The following RBMX2 variants were observed in gnomAD, a reference collection of about 807,000 sequenced individuals.
RBMX2 encodes RNA-binding motif protein, X-linked 2.
For missense variants in RBMX2, 191 were observed against 256.0 expected, an observed-to-expected ratio of 0.75 and a Z score of 1.73; for synonymous variants, 77 against 94.3, an observed-to-expected ratio of 0.82 and a Z score of 1.07.
chrX:130,402,382 A>T lies in RBMX2; in HGVS notation c.121+12A>T. The T allele has an allele frequency of 8.3e-7, 1 of 1,204,863 alleles. No individual in the cohort carries two copies. The highest frequency in any genetic ancestry group is 1.1e-6 in the Non-Finnish European group (1 of 892,231). ...CTGGATCTTCCTGGGTGAGGTCCAC[A>T]TCTTTCTTCCTCAGTGCTCTCCAGA... is the stretch of plus-strand genomic sequence containing the variant. On this transcript the variant is annotated intron_variant, in intron 2 of 5. Coordinates refer to ENST00000305536, the MANE Select transcript of RBMX2 (RefSeq NM_016024.4).
chrX:130,402,224 T>TTGCCCCCCCCCCCCCC, intron 1 of RBMX2, 31 bp from the exon 2 acceptor site: 1 of 1,174,327 alleles, frequency 8.5e-7, no homozygotes, highest in Non-Finnish European at 1.1e-6. Flanking sequence ...CTTTTCTGCC[T>TTGCCCCCCCCCCCCCC]ACCCTCCCCA....
rs1047707150 is a variant in RBMX2 at position 130,412,690 on chromosome X, C to T, written c.811C>T (p.Arg271Trp). ...EEKTRIRDRG[R>W]SSDAHSSWYN... is the part of the protein sequence containing the mutation. The stretch of plus-strand genomic sequence containing the variant: ...AAAGACCAGGATTAGGGACAGAGGG[C>T]GGAGCTCAGATGCACATTCTAGCTG... The change falls in exon 6 of 6, where the codon CGG becomes TGG. Residue 271 changes from arginine (R) to tryptophan (W), a missense_variant. By Grantham distance (101) the Arg-to-Trp change is moderately radical. Transcript: ENST00000305536. 1.9e-5 allele frequency: 23 copies of T among 1,207,556 alleles called. No individual in the cohort carries two copies. Among genetic ancestry groups the T allele is most frequent in the African/African-American group, 3.5e-5 (2 of 56,393 alleles).
intron 4 of RBMX2, 86 bp downstream of exon 4, chrX:130,409,472 G>A: frequency 1.0e-6 from 1 of 989,897 alleles, no homozygotes; most frequent in South Asian, 2.6e-5. Flanking sequence ...CAGACACAAG[G>A]GCAGCACTTG....
Position 130,402,017 on chromosome X carries a change from G to A in RBMX2, c.-16G>A. 1 of 1,196,694 alleles carries A rather than the reference G, an allele frequency of 8.4e-7. No individual in the cohort carries two copies. Among genetic ancestry groups the A allele is most frequent in the Non-Finnish European group, 1.1e-6 (1 of 887,874 alleles). On this transcript the variant is annotated 5_prime_UTR_variant, in exon 1 of 6. Transcript: ENST00000305536. Reference sequence around the variant, plus strand: ...CCGGGCGCTGATTCCTGAGTGCTGAGCGCGAACCCGAGGAGATGAAGTAAG... The same window carrying A: ...CCGGGCGCTGATTCCTGAGTGCTGAACGCGAACCCGAGGAGATGAAGTAAG...
rs1438880817 is a variant in RBMX2, at chrX:130,413,280, A to G, written c.*432A>G. On this transcript the variant is annotated 3_prime_UTR_variant, in exon 6 of 6. Coordinates refer to ENST00000305536, the MANE Select transcript of RBMX2 (RefSeq NM_016024.4). ...TTAAAATCAGCCAGCTCCATGCCCA[A>G]ACCTTCCTGTTTGCAGAACTTTTTA... 1 of 112,765 alleles carries G rather than the reference A, an allele frequency of 8.9e-6. No individual in the cohort carries two copies. Among genetic ancestry groups the G allele is most frequent in the Non-Finnish European group, 1.9e-5 (1 of 53,681 alleles). The allele number at this position is 112,765 out of a possible 1,213,427, so 9.3% of individuals were successfully genotyped here. A position where few individuals can be genotyped will look rare whatever the true frequency, so the allele number is the denominator to read the frequency against.
In RBMX2 at chrX:130,412,802, C is replaced by T. The variant is rs752931267; in HGVS notation, c.923C>T (p.Ser308Phe). 4.1e-6 allele frequency: 5 copies of T among 1,210,838 alleles called. No homozygotes were observed. Among genetic ancestry groups the T allele is most frequent in the Non-Finnish European group, 5.6e-6 (5 of 895,391 alleles). Residue 308 changes from serine to phenylalanine, a missense_variant, in exon 6 of 6, where the codon TCC (serine) becomes TTC (phenylalanine). Ser to Phe is a radical substitution (Grantham distance 155). Coordinates refer to ENST00000305536, the MANE Select transcript of RBMX2 (RefSeq NM_016024.4). ...CATAGGCATAAAAGGGCCCGACGCT[C>T]CCGGGAGCGGGAGTCTTCGAATCCC... The part of the protein sequence containing the change: ...KSHRHKRARR[S>F]RERESSNPSD...
chrX:130,407,548 T>C (rs1378663713), intron 3 of RBMX2, among the ~76,000 whole-genome samples: 3 of 112,015 alleles, frequency 2.7e-5, no homozygotes, highest in African/African-American at 6.5e-5. Context: ...TTATGTAACA[T>C]ATCTATCAAT....
At position 130,402,090 on chromosome X, in the gene RBMX2, C is replaced by T; in HGVS notation, c.5+53C>T. On this transcript the variant is annotated intron_variant, in intron 1 of 5. Coordinates refer to ENST00000305536, the MANE Select transcript of RBMX2 (RefSeq NM_016024.4). ...GGAGCAGCGGGCCACTGGGGGTGGT[C>T]CACCGGGACTGGTGTGGTAGAGCGT... 3.4e-6 allele frequency: 4 copies of T among 1,186,467 alleles called. No homozygotes were observed. The South Asian group carries it at 5.6e-5, about 17-fold the overall frequency.
intron 5 of RBMX2, 39 bp from the exon 6 acceptor site, chrX:130,412,322 C>T (rs2034517496): frequency 4.7e-6 from 5 of 1,059,980 alleles, no homozygotes; most frequent in East Asian, 6.5e-5. Flanking sequence ...TTATTTTTTT[C>T]CCTTTTCTTA....
chrX:130,407,765 C>T (rs1451360447), intron 3 of RBMX2, among the ~76,000 whole-genome samples: 1 of 108,234 alleles, frequency 9.2e-6, no homozygotes, highest in Non-Finnish European at 1.9e-5. Flanking sequence ...TCAAGTGATC[C>T]GCCCCACGCA....
chrX:130,411,299 A>G, intron 4 of RBMX2, 49 bp from the exon 5 acceptor site: 1 of 1,061,023 alleles, frequency 9.4e-7, no homozygotes, highest in Non-Finnish European at 1.3e-6. Flanking sequence ...ATAGTTTGAC[A>G]GTTTGGTATG....
intron 1 of RBMX2, 21 bp from the exon 2 acceptor site, chrX:130,402,234 A>ACCCCCCCC: frequency 8.5e-6 from 5 of 591,216 alleles, no homozygotes; most frequent in Admixed American, 3.9e-5. Flanking sequence ...TACCCTCCCC[A>ACCCCCCCC]CCCCCCCCGC....
intron 3 of RBMX2, among the ~76,000 whole-genome samples, chrX:130,406,362 G>A: frequency 9.0e-6 from 1 of 110,883 alleles, no homozygotes; most frequent in African/African-American, 3.3e-5. Flanking sequence ...TTGTATTACA[G>A]GTTGAATATC....
At chrX:130,402,224 T>TGCCCCC in intron 1 of RBMX2, 31 bp from the exon 2 acceptor site, 2 of 1,174,331 alleles carry the variant, frequency 1.7e-6, no homozygotes, top group Non-Finnish European at 2.3e-6. Flanking sequence ...CTTTTCTGCC[T>TGCCCCC]ACCCTCCCCA....
chrX:130,412,510 G>C lies in RBMX2; in HGVS notation c.631G>C (p.Glu211Gln), dbSNP rs745821000. Residue 211 changes from glutamate (E) to glutamine (Q), a missense_variant, in exon 6 of 6, where the codon GAG becomes CAG. By Grantham distance (29) the Glu-to-Gln change is conservative. Transcript: ENST00000305536. ...TAAGAAGCACAGCAGCAAGAACTCA[G>C]AGAGAGCTCAGAAGTCAGAGCCCAG... ...GPKKHSSKNS[E>Q]RAQKSEPREG... is the part of the protein sequence containing the mutation. 1.7e-6 allele frequency: 2 copies of C among 1,210,387 alleles called. No individual in the cohort carries two copies. Among genetic ancestry groups the C allele is most frequent in the South Asian group, 3.5e-5 (2 of 56,865 alleles).
chrX:130,402,604 C>A lies in RBMX2; in HGVS notation c.121+234C>A, dbSNP rs181483076. Among the ~76,000 whole-genome samples the A allele has an allele frequency of 2.7e-5, 3 of 112,118 alleles. No individual in the cohort carries two copies. In the Admixed American group the frequency reaches 2.8e-4, roughly 11 times the overall value. ...GTTTGCCATTTGCTGTGCTAAGGTT[C>A]AGGGACTGTTGTTATTTCTCTCTCA... On this transcript the variant is annotated intron_variant, in intron 2 of 5. Transcript: ENST00000305536.
chrX:130,408,165 T>C, intron 3 of RBMX2, among the ~76,000 whole-genome samples: 1 of 109,396 alleles, frequency 9.1e-6, no homozygotes, highest in Non-Finnish European at 1.9e-5. Flanking sequence ...TTCTTGTTTG[T>C]TTGTTTGTTT....
In RBMX2 at chrX:130,412,914, G is replaced by A. The variant is rs2034522548; in HGVS notation, c.*66G>A. 9.4e-7 allele frequency: 1 copy of A among 1,067,730 alleles called. No individual in the cohort carries two copies. Among genetic ancestry groups the A allele is most frequent in the Non-Finnish European group, 1.2e-6 (1 of 805,983 alleles). 88.0% of individuals were successfully genotyped at this position (1,067,730 alleles called of 1,213,427 possible). A position where few individuals can be genotyped will look rare whatever the true frequency, so the allele number is the denominator to read the frequency against. On this transcript the variant is annotated 3_prime_UTR_variant, in exon 6 of 6. Coordinates refer to ENST00000305536, the MANE Select transcript of RBMX2 (RefSeq NM_016024.4). ...TTTAAATGCAGTCAAATTCAGTTGG[G>A]TGGTTACTATTTTTGTATCTAAAAC...
In RBMX2 at chrX:130,402,286, C is replaced by G; in HGVS notation, c.37C>G (p.Leu13Val). The part of the protein sequence containing the change: ...PLTKVKLINE[L>V]NEREVQLGVA... Reference sequence around the variant, plus strand: ...AACTAAGGTGAAGCTGATCAACGAGCTGAATGAACGAGAGGTCCAGCTTGG... The same window carrying G: ...AACTAAGGTGAAGCTGATCAACGAGGTGAATGAACGAGAGGTCCAGCTTGG... Residue 13 changes from leucine (L) to valine (V), a missense_variant, in exon 2 of 6, where the codon CTG becomes GTG. Physicochemically the swap from Leu to Val is conservative, Grantham distance 32. Transcript: ENST00000305536. 1 of 1,187,025 alleles carries G rather than the reference C, an allele frequency of 8.4e-7. No individual in the cohort carries two copies. Among genetic ancestry groups the G allele is most frequent in the African/African-American group, 1.8e-5 (1 of 54,501 alleles).
Sources: gnomAD v4.1 joint callset for allele counts (sites outside exome capture counted in the v4.1 genomes callset) on GRCh38, gnomAD v4.1.1 for gene constraint, MANE v1.5 for transcripts, NCBI Gene and HGNC (gene_info 2026-07-23, HGNC 2026-07-21) for gene names.